Variants in ROBO2 observed in about 807,000 individuals in gnomAD.
ROBO2 encodes the protein roundabout guidance receptor 2.
Under a neutral mutation model 160.8 loss-of-function variants are expected in ROBO2, and 53 were observed. That is an observed-to-expected ratio of 0.33 (90% CI 0.26 to 0.41). The LOEUF is 0.41. Among genes scored for constraint, ROBO2 ranks in the 10% least tolerant of loss-of-function variants. ROBO2 has a pLI of 1.00. For synonymous variants in ROBO2, 664 were observed against 611.7 expected, an observed-to-expected ratio of 1.09 and a Z score of -1.26; for missense variants, 1,577 against 1,722.4, an observed-to-expected ratio of 0.92 and a Z score of 1.49.
At chr3:76,880,317 G>T (rs2073202819) in intron 2 of ROBO2, among the ~76,000 whole-genome samples, 1 of 151,804 alleles carries the variant, frequency 6.6e-6, no homozygotes, top group African/African-American at 2.4e-5. Flanking sequence ...TGGCTAAACC[G>T]GATAAAATTT....
intron 2 of ROBO2, among the ~76,000 whole-genome samples, chr3:77,195,825 A>G (rs539516283): frequency 6.6e-6 from 1 of 152,186 alleles, no homozygotes; most frequent in Non-Finnish European, 1.5e-5. Context: ...CTCCCCACCT[A>G]CCAGACCTCA....
chr3:76,310,469 C>T lies in ROBO2; in HGVS notation c.109+372867C>T, dbSNP rs184937289. On this transcript the variant is annotated intron_variant, in intron 2 of 26. Transcript: ENST00000487694. ...TGAACACAGAGGAGAGCTGCAACTA[C>T]GTATTGAGAACTTGCCCTTCCTGTT... Among the ~76,000 whole-genome samples the T allele has an allele frequency of 2.9e-3, 443 of 152,256 alleles. 5 individuals carry two copies. The highest frequency in any genetic ancestry group is 8.5e-3 in the Admixed American group (130 of 15,290).
chr3:76,882,572 T>C (rs1244190852), intron 2 of ROBO2, among the ~76,000 whole-genome samples: 2 of 152,272 alleles, frequency 1.3e-5, no homozygotes, highest in East Asian at 1.9e-4. Flanking sequence ...TCAGTGCCTG[T>C]TACCTGTGTT....
intron 2 of ROBO2, among the ~76,000 whole-genome samples, chr3:76,277,336 T>G (rs62261394): frequency 0.7 from 106,302 of 151,868 alleles, 41,143 homozygotes; most frequent in Non-Finnish European, 0.89. Flanking sequence ...AGACTCTACC[T>G]ACAATGCTGT....
In ROBO2 at chr3:76,565,302, T is replaced by C. The variant is rs140438456; in HGVS notation, c.110-532712T>C. On this transcript the variant is annotated intron_variant, in intron 2 of 26. Coordinates refer to the ROBO2 transcript ENST00000487694. ...TTATTGCTTTTCTATTTTTTTGGAA[T>C]AACTTTACCTCAATAGAAATAGCAT... Among the ~76,000 whole-genome samples, 1,264 of 152,338 alleles carry C rather than the reference T, an allele frequency of 8.3e-3. 19 individuals are homozygous for C. The highest frequency in any genetic ancestry group is 0.028 in the African/African-American group (1,163 of 41,574).
chr3:76,310,032 G>A (rs905177007), intron 2 of ROBO2, among the ~76,000 whole-genome samples: 2 of 151,350 alleles, frequency 1.3e-5, no homozygotes, highest in African/African-American at 4.9e-5. Context: ...ATGTTGCCCA[G>A]TCTGGTATGA....
chr3:76,070,455 C>T (rs919598764), intron 2 of ROBO2, among the ~76,000 whole-genome samples: 3 of 152,000 alleles, frequency 2.0e-5, no homozygotes, highest in African/African-American at 2.4e-5. Context: ...TTGGTCATAC[C>T]GGTTGATCTC....
intron 2 of ROBO2, among the ~76,000 whole-genome samples, chr3:77,185,751 C>T (rs1257768314): frequency 2.6e-5 from 4 of 151,846 alleles, no homozygotes; most frequent in African/African-American, 4.8e-5. Flanking sequence ...CAGAAAGGTG[C>T]AACCTACCCA....
chr3:76,738,322 G>A lies in ROBO2; in HGVS notation c.110-359692G>A, dbSNP rs142473679. Reference sequence around the variant, plus strand: ...ACAATAAATAGGTATTTAAAACAGTGGAATGTTGTTGGAAAGTTAAGATAG... The same window carrying A: ...ACAATAAATAGGTATTTAAAACAGTAGAATGTTGTTGGAAAGTTAAGATAG... On this transcript the variant is annotated intron_variant, in intron 2 of 26. Coordinates refer to the ROBO2 transcript ENST00000487694. Among the ~76,000 whole-genome samples the A allele has an allele frequency of 2.4e-3, 362 of 152,246 alleles. 1 individual carries two copies. Among genetic ancestry groups the A allele is most frequent in the African/African-American group, 8.3e-3 (345 of 41,540 alleles).
At chr3:75,929,985 G>A (rs867578620) in intron 1 of ROBO2, among the ~76,000 whole-genome samples, 29 of 152,154 alleles carry the variant, frequency 1.9e-4, no homozygotes, top group African/African-American at 6.8e-4. Context: ...GTGAGCCACT[G>A]CACCTGGCCT....
At chr3:76,655,345 T>C (rs2091457428) in intron 2 of ROBO2, among the ~76,000 whole-genome samples, 1 of 147,292 alleles carries the variant, frequency 6.8e-6, no homozygotes, top group African/African-American at 2.5e-5. Flanking sequence ...AATAAGAACC[T>C]GTAAAATTAC....
chr3:77,024,978 T>G (rs2062872949), intron 2 of ROBO2, among the ~76,000 whole-genome samples: 1 of 151,920 alleles, frequency 6.6e-6, no homozygotes, highest in African/African-American at 2.4e-5. Context: ...TTTTGTTTGT[T>G]TTTTGTTTTA....
chr3:76,507,156 C>T (rs1025421869), intron 2 of ROBO2, among the ~76,000 whole-genome samples: 2 of 151,818 alleles, frequency 1.3e-5, no homozygotes, highest in Admixed American at 1.3e-4. Context: ...GAAATTCGTA[C>T]AGGGCATAAA....
At chr3:76,092,853 C>A (rs2069288148) in intron 2 of ROBO2, among the ~76,000 whole-genome samples, 1 of 152,160 alleles carries the variant, frequency 6.6e-6, no homozygotes, top group Admixed American at 6.5e-5. Context: ...GTGACTCAGT[C>A]AACCTTGACA....
intron 2 of ROBO2, among the ~76,000 whole-genome samples, chr3:76,935,902 C>A (rs1034064078): frequency 6.6e-6 from 1 of 152,126 alleles, no homozygotes; most frequent in Admixed American, 6.6e-5. Context: ...GACCTCATCA[C>A]CCCACAAAGG....
chr3:76,153,184 T>C (rs1329972017), intron 2 of ROBO2, among the ~76,000 whole-genome samples: 1 of 152,186 alleles, frequency 6.6e-6, no homozygotes, highest in African/African-American at 2.4e-5. Flanking sequence ...ATTATACTCT[T>C]GAGAGGACTC....
chr3:76,873,827 G>C (rs962556991), intron 2 of ROBO2, among the ~76,000 whole-genome samples: 1 of 152,142 alleles, frequency 6.6e-6, no homozygotes, highest in East Asian at 1.9e-4. Context: ...GCTTAGAAAA[G>C]AGGTTCTCTT....
At chr3:76,678,010 A>T (rs1454284000) in intron 2 of ROBO2, among the ~76,000 whole-genome samples, 2 of 89,642 alleles carry the variant, frequency 2.2e-5, no homozygotes, top group African/African-American at 9.0e-5. Context: ...TGCTCTTGTC[A>T]CTCAGGCTGG....
intron 5 of ROBO2, among the ~76,000 whole-genome samples, chr3:77,505,461 T>C (rs1342022811): frequency 1.3e-5 from 2 of 151,998 alleles, no homozygotes; most frequent in Non-Finnish European, 2.9e-5. Context: ...AATAGAGAAG[T>C]CAAAAGGTAT....
Sources: allele counts gnomAD v4.1 joint callset (sites outside exome capture counted in the v4.1 genomes callset), GRCh38; gene constraint gnomAD v4.1.1; transcripts MANE v1.5; gene names NCBI Gene and HGNC (gene_info 2026-07-23, HGNC 2026-07-21).